CADM1: variants seen among roughly 807,000 people sequenced by gnomAD.
The protein encoded by CADM1 is cell adhesion molecule 1.
A neutral mutation model predicts 53.1 loss-of-function variants in CADM1; 15 were observed. The ratio of observed to expected loss-of-function variants is 0.28; its 90% confidence interval spans 0.19 to 0.44. The LOEUF (loss-of-function observed/expected upper bound fraction) is 0.44. Among genes scored for constraint, CADM1 ranks in the 20% least tolerant of loss-of-function variants. The pLI is 1.00. For missense variants in CADM1, 434 were observed against 611.3 expected, an observed-to-expected ratio of 0.71 and a Z score of 3.06; for synonymous variants, 281 against 243.0, an observed-to-expected ratio of 1.16 and a Z score of -1.45.
At chr11:115,502,335 T>C (rs1363265087) in intron 1 of CADM1, among the ~76,000 whole-genome samples, 1 of 138,668 alleles carries the variant, frequency 7.2e-6, no homozygotes, top group Non-Finnish European at 1.6e-5. Context: ...GGCTTTTTTT[T>C]TTTTTTTTTT....
At chr11:115,256,733 T>C (rs1942801032) in intron 1 of CADM1, 1 of 448,624 alleles carries the variant, frequency 2.2e-6, no homozygotes, top group Non-Finnish European at 4.5e-6. Flanking sequence ...CTAGTTCCTA[T>C]TGTTTGTGTT....
intron 1 of CADM1, among the ~76,000 whole-genome samples, chr11:115,431,675 A>G (rs1236086565): frequency 1.3e-5 from 2 of 151,736 alleles, no homozygotes; most frequent in African/African-American, 2.4e-5. Context: ...CTTTCTTTCA[A>G]TTCCTTTAAG....
intron 5 of CADM1, among the ~76,000 whole-genome samples, chr11:115,219,850 T>C (rs1040229379): frequency 2.0e-5 from 3 of 151,842 alleles, no homozygotes; most frequent in African/African-American, 7.3e-5. Context: ...TTAAAAAAGA[T>C]ACAAAAAAAA....
intron 1 of CADM1, among the ~76,000 whole-genome samples, chr11:115,393,747 CCA>C (rs1188579478): frequency 6.6e-6 from 1 of 151,906 alleles, no homozygotes; most frequent in African/African-American, 2.4e-5. Flanking sequence ...AGTTCCTAAT[CCA>C]CATAGCTATG....
chr11:115,354,295 A>C (rs1194722856), intron 1 of CADM1, among the ~76,000 whole-genome samples: 1 of 152,236 alleles, frequency 6.6e-6, no homozygotes, highest in Non-Finnish European at 1.5e-5. Flanking sequence ...ATGTTTTCAA[A>C]TTGAGTAACT....
chr11:115,207,959 G>A (rs990242294), intron 8 of CADM1, among the ~76,000 whole-genome samples: 1 of 152,240 alleles, frequency 6.6e-6, no homozygotes, highest in Non-Finnish European at 1.5e-5. Context: ...TAAAAACCTA[G>A]TTCTTAGTAT....
intron 1 of CADM1, among the ~76,000 whole-genome samples, chr11:115,375,813 G>A (rs1298218589): frequency 6.6e-6 from 1 of 151,970 alleles, no homozygotes; most frequent in Non-Finnish European, 1.5e-5. Flanking sequence ...GAGTTAAAAG[G>A]TGGTTATAAT....
At chr11:115,371,285 CAG>C (rs1375462079) in intron 1 of CADM1, among the ~76,000 whole-genome samples, 2 of 152,070 alleles carry the variant, frequency 1.3e-5, no homozygotes, top group East Asian at 3.9e-4. Context: ...ACAAAAGTAA[CAG>C]AAAGGCTGAG....
intron 1 of CADM1, among the ~76,000 whole-genome samples, chr11:115,404,497 C>CA (rs1240206621): frequency 6.8e-6 from 1 of 147,330 alleles, no homozygotes; most frequent in African/African-American, 2.5e-5. Context: ...TTTATGACCT[C>CA]AGAAGTAGGA....
chr11:115,427,892 A>T (rs1481351766), intron 1 of CADM1, among the ~76,000 whole-genome samples: 2 of 150,964 alleles, frequency 1.3e-5, no homozygotes, highest in Non-Finnish European at 2.9e-5. Flanking sequence ...CTGCAGTCCC[A>T]GCTGCTCCAG....
intron 1 of CADM1, among the ~76,000 whole-genome samples, chr11:115,273,710 A>G (rs982519936): frequency 6.6e-5 from 10 of 152,262 alleles, no homozygotes; most frequent in Admixed American, 5.2e-4. Flanking sequence ...GCCTTTCTAC[A>G]TGCGAAGCCA....
chr11:115,417,633 C>A (rs140609216), intron 1 of CADM1, among the ~76,000 whole-genome samples: 2 of 152,288 alleles, frequency 1.3e-5, no homozygotes, highest in East Asian at 3.9e-4. Context: ...AGGCAGGTGG[C>A]GTACACGGTG....
intron 5 of CADM1, among the ~76,000 whole-genome samples, chr11:115,219,913 C>G (rs1941341764): frequency 6.6e-6 from 1 of 152,108 alleles, no homozygotes; most frequent in African/African-American, 2.4e-5. Flanking sequence ...GACCTGCTAC[C>G]TCACAGTTCA....
chr11:115,240,137 C>T, intron 2 of CADM1, 137 bp downstream of exon 2: 1 of 775,674 alleles, frequency 1.3e-6, no homozygotes, highest in Non-Finnish European at 2.1e-6. Context: ...TTGCCTGTCT[C>T]TTCTTCCCTC....
At position 115,169,782 on chromosome 11, in the gene CADM1, A is replaced by G. The variant is rs1938731192; in HGVS notation, c.*6692T>C. On this transcript the variant is annotated 3_prime_UTR_variant, in exon 12 of 12. Transcript: ENST00000331581. ...CAAACAGCTTTTGTGGATTAGCTAG[A>G]CTTGCACTTGCCAGCATCCATTGCA... is the stretch of plus-strand genomic sequence containing the variant. 5 of 320,710 alleles carry G rather than the reference A, an allele frequency of 1.6e-5. No homozygotes were observed. Among genetic ancestry groups the G allele is most frequent in the South Asian group, 7.6e-5 (3 of 39,290 alleles). The allele number at this position is 320,710 out of a possible 1,614,324, so 19.9% of individuals were successfully genotyped here. A position where few individuals can be genotyped will look rare whatever the true frequency, so the allele number is the denominator to read the frequency against.
chr11:115,440,789 A>AT (rs1407635302), intron 1 of CADM1, among the ~76,000 whole-genome samples: 1 of 151,904 alleles, frequency 6.6e-6, no homozygotes, highest in Non-Finnish European at 1.5e-5. Context: ...TTTTATTTTT[A>AT]TTTTTTTAAG....
intron 1 of CADM1, among the ~76,000 whole-genome samples, chr11:115,358,426 C>T (rs917089336): frequency 4.6e-5 from 7 of 152,106 alleles, no homozygotes; most frequent in African/African-American, 1.7e-4. Context: ...AAGAACAGAA[C>T]TTGTGCAGGG....
chr11:115,394,597 T>C (rs1946944193), intron 1 of CADM1, among the ~76,000 whole-genome samples: 1 of 152,196 alleles, frequency 6.6e-6, no homozygotes, highest in South Asian at 2.1e-4. Context: ...AACGAAAACA[T>C]GATTAAACTA....
chr11:115,175,717 A>G lies in CADM1; in HGVS notation c.*757T>C. 1.0e-6 allele frequency: 1 copy of G among 987,928 alleles called. No individual in the cohort carries two copies. The allele number at this position is 987,928 out of a possible 1,614,324, so 61.2% of individuals were successfully genotyped here. A position where few individuals can be genotyped will look rare whatever the true frequency, so the allele number is the denominator to read the frequency against. On this transcript the variant is annotated 3_prime_UTR_variant, in exon 12 of 12. Coordinates refer to ENST00000331581, the MANE Select transcript of CADM1 (RefSeq NM_001301043.2). The stretch of plus-strand genomic sequence containing the variant: ...ACAGAATTAAAGACAGTGAAATTCA[A>G]TCTCATTGTGACACACCTCACTTGC...
Sources: gnomAD v4.1 joint callset for allele counts (sites outside exome capture counted in the v4.1 genomes callset) on GRCh38, gnomAD v4.1.1 for gene constraint, MANE v1.5 for transcripts, NCBI Gene and HGNC (gene_info 2026-07-23, HGNC 2026-07-21) for gene names.